RPS6KA2: variants seen among roughly 807,000 people sequenced by gnomAD.
The protein encoded by RPS6KA2 is ribosomal protein S6 kinase alpha-2.
A neutral mutation model predicts 91.8 loss-of-function variants in RPS6KA2; 42 were observed. The ratio of observed to expected loss-of-function variants is 0.46; its 90% CI spans 0.36 to 0.59. The LOEUF is 0.59. Ranked by LOEUF, RPS6KA2 falls within the 20% of genes least tolerant of loss-of-function variation. The probability of loss-of-function intolerance (pLI) is 0.00; values close to 1 mark genes in which losing one functional copy is unlikely to be tolerated. For synonymous variants in RPS6KA2, 414 were observed against 393.6 expected (o/e 1.05, Z -0.61); for missense variants, 798 against 978.5 (o/e 0.82, Z 2.46).
Position 166,418,195 on chromosome 6 carries a change from T to C in RPS6KA2, c.1938+30A>G, listed in dbSNP as rs1347428537. The C allele has an allele frequency of 1.4e-6, 2 of 1,434,750 alleles. No homozygotes were observed. Among genetic ancestry groups the C allele is most frequent in the Non-Finnish European group, 1.9e-6 (2 of 1,025,938 alleles). 88.9% of individuals were successfully genotyped at this position (1,434,750 alleles called of 1,614,324 possible). On this transcript the variant is annotated intron_variant, in intron 19 of 20. Coordinates refer to ENST00000265678, the MANE Select transcript of RPS6KA2 (RefSeq NM_021135.6). This position sits in a 1 kb window ranked among gnomAD's most constrained non-coding sequence, Gnocchi z 4.9. ...ATATGGCTATTTCAGAATCTGAATATTTAAAAGCAACGCTGGGACATGTAC... is the reference window on the plus strand; with the variant it reads ...ATATGGCTATTTCAGAATCTGAATACTTAAAAGCAACGCTGGGACATGTAC...
At position 166,666,937 on chromosome 6, in the gene RPS6KA2, G is replaced by C. The variant is rs1171505954; in HGVS notation, c.124-128153C>G. The stretch of plus-strand genomic sequence containing the variant: ...GCACACAATGGAAGGAAATGACGAC[G>C]CACGTTGCAATGTGGATGAACCTGG... On this transcript the variant is annotated intron_variant, in intron 2 of 21. Coordinates refer to the RPS6KA2 transcript ENST00000503859. The surrounding 1 kb of genome is among the most constrained non-coding windows in gnomAD (Gnocchi z 4.0). Among the ~76,000 whole-genome samples the C allele has an allele frequency of 6.6e-6, 1 of 152,156 alleles. No individual in the cohort carries two copies. Among genetic ancestry groups the C allele is most frequent in the African/African-American group, 2.4e-5 (1 of 41,424 alleles).
chr6:166,585,498 C>CTTTTTTTT (rs58153048), intron 1 of RPS6KA2, among the ~76,000 whole-genome samples: 2 of 86,302 alleles, frequency 2.3e-5, no homozygotes, highest in Admixed American at 1.3e-4. Context: ...TCAAACAAGT[C>CTTTTTTTT]TTTTTTTTTT....
Position 166,459,667 on chromosome 6 carries a change from A to G in RPS6KA2, c.973-116T>C, listed in dbSNP as rs2128459856. On this transcript the variant is annotated intron_variant, in intron 11 of 20. Coordinates refer to ENST00000265678, the MANE Select transcript of RPS6KA2 (RefSeq NM_021135.6). The surrounding 1 kb of genome is among the most constrained non-coding windows in gnomAD (Gnocchi z 4.9). ...GAAGGATGTTCTTATCACAGACTGC[A>G]TTGGCCTTGTGGATTACAAGGGATT... 1 of 674,108 alleles carries G rather than the reference A, an allele frequency of 1.5e-6. No homozygotes were observed. The highest frequency in any genetic ancestry group is 1.8e-5 in the South Asian group (1 of 55,380). 41.8% of individuals were successfully genotyped at this position (674,108 alleles called of 1,614,324 possible).
chr6:166,491,657 C>T (rs1016172488), intron 8 of RPS6KA2, among the ~76,000 whole-genome samples: 2 of 152,142 alleles, frequency 1.3e-5, no homozygotes, highest in Non-Finnish European at 2.9e-5. Context: ...TTATTTTTTG[C>T]TGCGTGTGTC....
intron 2 of RPS6KA2, among the ~76,000 whole-genome samples, chr6:166,712,844 G>T (rs1210345701): frequency 6.6e-6 from 1 of 152,224 alleles, no homozygotes; most frequent in Non-Finnish European, 1.5e-5. Flanking sequence ...CTGAAACACA[G>T]CGTCTATCCC....
At chr6:166,707,993 C>A (rs745493613) in intron 2 of RPS6KA2, among the ~76,000 whole-genome samples, 1 of 152,206 alleles carries the variant, frequency 6.6e-6, no homozygotes, top group Non-Finnish European at 1.5e-5. Flanking sequence ...TTCCACCTGC[C>A]TCAGCCTCCC....
rs1583221323 is a variant in RPS6KA2 at position 166,508,934 on chromosome 6, G to A, written c.380-652C>T. 6.6e-6 allele frequency among the ~76,000 whole-genome samples: 1 copy of A among 152,218 alleles called. No individual in the cohort carries two copies. The highest frequency in any genetic ancestry group is 1.5e-5 in the Non-Finnish European group (1 of 68,042). On this transcript the variant is annotated intron_variant, in intron 4 of 20. Transcript: ENST00000265678. The surrounding 1 kb of genome is among the most constrained non-coding windows in gnomAD (Gnocchi z 4.3). ...CTGCCTCTGTTGAGCGGGCGCATGA[G>A]CACGGGAGGGTCTAGAGAAGCCCGT...
chr6:166,656,189 A>C (rs1460308078), intron 2 of RPS6KA2, among the ~76,000 whole-genome samples: 1 of 152,266 alleles, frequency 6.6e-6, no homozygotes, highest in Non-Finnish European at 1.5e-5. Flanking sequence ...ATTGCTTAGA[A>C]AATGCTACAT....
rs951952490 is a variant in RPS6KA2 at position 166,639,365 on chromosome 6, C to T, written c.124-100581G>A. On this transcript the variant is annotated intron_variant, in intron 2 of 21. Coordinates refer to the RPS6KA2 transcript ENST00000503859. The surrounding 1 kb of genome is among the most constrained non-coding windows in gnomAD (Gnocchi z 4.2). ...TGTTTTCCCCGTCTTGCCTTCTTTC[C>T]AACCCTGCCCTCCATAACACAGCGT... Among the ~76,000 whole-genome samples, 3 of 152,174 alleles carry T rather than the reference C, an allele frequency of 2.0e-5. No homozygotes were observed. Among genetic ancestry groups the T allele is most frequent in the African/African-American group, 7.2e-5 (3 of 41,448 alleles).
chr6:166,841,085 C>G (rs547580849), intron 2 of RPS6KA2, among the ~76,000 whole-genome samples: 19 of 151,638 alleles, frequency 1.3e-4, no homozygotes, highest in African/African-American at 4.6e-4. Context: ...AGTTCAAGAC[C>G]AGCCTGGGCA....
chr6:166,450,658 C>T (rs192424461), intron 13 of RPS6KA2, among the ~76,000 whole-genome samples: 72 of 149,628 alleles, frequency 4.8e-4, no homozygotes, highest in Non-Finnish European at 7.1e-4. Flanking sequence ...CCCTGGGAGA[C>T]CACCATGGGG....
At chr6:166,450,007 ATG>A (rs1779823024) in intron 13 of RPS6KA2, among the ~76,000 whole-genome samples, 1 of 79,940 alleles carries the variant, frequency 1.3e-5, no homozygotes, top group Non-Finnish European at 3.0e-5. Context: ...ACCACCATGG[ATG>A]TCACCTAAGG....
Position 166,413,841 on chromosome 6 carries a change from A to G in RPS6KA2, c.2029T>C (p.Tyr677His). 6.2e-7 allele frequency: 1 copy of G among 1,614,018 alleles called. No homozygotes were observed. Among genetic ancestry groups the G allele is most frequent in the Non-Finnish European group, 8.5e-7 (1 of 1,179,992 alleles). Reference sequence around the variant, plus strand: ...CGGCTGAGCTGGTTTGGGGACAGGTACTCTCTGTTGACCACCCACGGGTGT... The same window carrying G: ...CGGCTGAGCTGGTTTGGGGACAGGTGCTCTCTGTTGACCACCCACGGGTGT... ...LKHPWVVNREYLSPNQLSRQD... is the reference protein window; with the variant it reads ...LKHPWVVNREHLSPNQLSRQD... The change falls in exon 20 of 21, where the codon TAC becomes CAC. Residue 677 changes from tyrosine to histidine, a missense_variant. Transcript: ENST00000265678.
chr6:166,486,399 T>C (rs1436988557), intron 10 of RPS6KA2, among the ~76,000 whole-genome samples: 2 of 152,162 alleles, frequency 1.3e-5, no homozygotes, highest in African/African-American at 4.8e-5. Context: ...CCCATCTCAT[T>C]GTCGCCCCCA....
At chr6:166,456,009 A>G (rs898650881) in intron 12 of RPS6KA2, among the ~76,000 whole-genome samples, 9 of 152,160 alleles carry the variant, frequency 5.9e-5, no homozygotes, top group Admixed American at 3.3e-4. Flanking sequence ...CCTGTGGAGG[A>G]GTGTGTGCGG....
At chr6:166,840,394 C>T (rs1022121086) in intron 2 of RPS6KA2, among the ~76,000 whole-genome samples, 6 of 152,260 alleles carry the variant, frequency 3.9e-5, no homozygotes, top group East Asian at 3.9e-4. Flanking sequence ...TAGAGCTGCC[C>T]GGGGACCCTC....
intron 2 of RPS6KA2, among the ~76,000 whole-genome samples, chr6:166,833,185 A>C (rs528098076): frequency 6.6e-6 from 1 of 152,374 alleles, no homozygotes; most frequent in South Asian, 2.1e-4. Flanking sequence ...GAAAAGGCCA[A>C]AGTGGTGAAA....
chr6:166,724,268 T>G (rs530802334), intron 2 of RPS6KA2, among the ~76,000 whole-genome samples: 1 of 152,330 alleles, frequency 6.6e-6, no homozygotes, highest in Non-Finnish European at 1.5e-5. Flanking sequence ...CTTTTTCTTC[T>G]TGTATTTTCT....
At chr6:166,523,556 AGAT>A (rs1206100429) in intron 3 of RPS6KA2, among the ~76,000 whole-genome samples, 7 of 152,210 alleles carry the variant, frequency 4.6e-5, no homozygotes. Flanking sequence ...TCGTAAATAA[AGAT>A]GATGATTTAT....
Sources: allele counts gnomAD v4.1 joint callset (sites outside exome capture counted in the v4.1 genomes callset), GRCh38; gene constraint gnomAD v4.1.1; non-coding constraint Gnocchi (gnomAD v3.1); transcripts MANE v1.5; gene names NCBI Gene and HGNC (gene_info 2026-07-23, HGNC 2026-07-21).